MCM9: variants seen among roughly 807,000 people sequenced by gnomAD.
The protein encoded by MCM9 is minichromosome maintenance 9 homologous recombination repair factor.
In MCM9, 55 loss-of-function variants were observed where a neutral mutation model predicts 72.8. The ratio of observed to expected loss-of-function variants is 0.76; its 90% CI spans 0.61 to 0.95. The LOEUF (loss-of-function observed/expected upper bound fraction) is 0.95, where lower values mean the gene tolerates loss of function less well. Ranked by LOEUF, MCM9 falls within the 40% of genes least tolerant of loss-of-function variation. The pLI, the probability that MCM9 is intolerant of heterozygous loss-of-function variation, is 0.00. For synonymous variants in MCM9, 480 were observed against 503.4 expected, an observed-to-expected ratio of 0.95 and a Z score of 0.62; for missense variants, 1,279 against 1,377.0, an observed-to-expected ratio of 0.93 and a Z score of 1.13.
chr6:118,837,691 T>G (rs1156857405), intron 9 of MCM9, among the ~76,000 whole-genome samples: 3 of 152,198 alleles, frequency 2.0e-5, no homozygotes, highest in Non-Finnish European at 4.4e-5. Context: ...CCCCTGCTTT[T>G]TTTTGCTTTC....
intron 8 of MCM9, among the ~76,000 whole-genome samples, chr6:118,900,306 C>T (rs1467522138): frequency 1.3e-5 from 2 of 152,092 alleles, no homozygotes; most frequent in African/African-American, 2.4e-5. Context: ...ATCTCTGCAG[C>T]GTAGTATAGG....
intron 13 of MCM9, among the ~76,000 whole-genome samples, chr6:118,821,322 G>C (rs1178342024): frequency 2.0e-5 from 3 of 152,092 alleles, no homozygotes; most frequent in Non-Finnish European, 4.4e-5. Flanking sequence ...AGGCCTGCTG[G>C]TTACAAAATA....
intron 9 of MCM9, among the ~76,000 whole-genome samples, chr6:118,847,093 A>C (rs1356370660): frequency 6.6e-6 from 1 of 151,880 alleles, no homozygotes; most frequent in African/African-American, 2.4e-5. Flanking sequence ...AAAGCAGAAG[A>C]TGTATATCCA....
At chr6:118,851,848 C>T (rs1054926091) in intron 9 of MCM9, among the ~76,000 whole-genome samples, 4 of 152,192 alleles carry the variant, frequency 2.6e-5, no homozygotes, top group African/African-American at 9.6e-5. Flanking sequence ...ATGCCTACCA[C>T]AGTGCGGTGG....
At position 118,894,010 on chromosome 6, in the gene MCM9, G is replaced by A. The variant is rs1168895041; in HGVS notation, c.1150+17640C>T. 4.1e-6 allele frequency: 4 copies of A among 986,252 alleles called. No individual in the cohort carries two copies. The East Asian group carries it at 3.4e-4, about 84-fold the overall frequency. The allele number at this position is 986,252 out of a possible 1,614,324, so 61.1% of individuals were successfully genotyped here. A position where few individuals can be genotyped will look rare whatever the true frequency, so the allele number is the denominator to read the frequency against. On this transcript the variant is annotated intron_variant, in intron 8 of 13. Coordinates refer to ENST00000619706, the MANE Select transcript of MCM9 (RefSeq NM_017696.3). ...CGGCGGCCTCCGCGCGGGCCTCCCA[G>A]CCCTTATTCCACTCACTTTGTTCTC...
rs1233176027 is a variant in MCM9, at chr6:118,917,646, C to G, written c.819G>C (p.Glu273Asp). ...CATCCATGATGATCCCTGAGGACTG[C>G]TCATTATTTACTTGGATGTAATTTG... The part of the protein sequence containing the change: ...LKANYIQVNN[E>D]QSSGIIMDEE... The change falls in exon 6 of 14, where the codon GAG (glutamate) becomes GAC (aspartate). Residue 273 changes from glutamate (E) to aspartate (D), a missense_variant. Glu to Asp is a conservative substitution (Grantham distance 45). Transcript: ENST00000619706. 6.2e-7 allele frequency: 1 copy of G among 1,614,198 alleles called. No individual in the cohort carries two copies. Among genetic ancestry groups the G allele is most frequent in the Non-Finnish European group, 8.5e-7 (1 of 1,180,032 alleles).
At chr6:118,904,788 A>G (rs961241191) in intron 8 of MCM9, among the ~76,000 whole-genome samples, 11 of 152,244 alleles carry the variant, frequency 7.2e-5, no homozygotes, top group Non-Finnish European at 1.3e-4. Flanking sequence ...ATAGAGGATT[A>G]TTAATATTTT....
intron 8 of MCM9, among the ~76,000 whole-genome samples, chr6:118,898,638 G>C (rs1008974692): frequency 6.6e-6 from 1 of 152,016 alleles, no homozygotes; most frequent in South Asian, 2.1e-4. Flanking sequence ...GGCTGGTCTC[G>C]AACTCCTGAC....
rs1040626706 is a variant in MCM9, at chr6:118,826,087, T to G, written c.1961+60A>C. Reference sequence around the variant, plus strand: ...TCCACTTAATGCACACTTGCTTTGTTTCACTAAATGCCAAACAAGGATTTT... The same window carrying G: ...TCCACTTAATGCACACTTGCTTTGTGTCACTAAATGCCAAACAAGGATTTT... On this transcript the variant is annotated intron_variant, in intron 13 of 13. Coordinates refer to ENST00000619706, the MANE Select transcript of MCM9 (RefSeq NM_017696.3). The G allele has an allele frequency of 6.6e-6, 10 of 1,512,474 alleles. No individual in the cohort carries two copies. In the African/African-American group the frequency reaches 1.4e-4, roughly 21 times the overall value. The allele number at this position is 1,512,474 out of a possible 1,614,324, so 93.7% of individuals were successfully genotyped here. A position where few individuals can be genotyped will look rare whatever the true frequency, so the allele number is the denominator to read the frequency against.
intron 8 of MCM9, among the ~76,000 whole-genome samples, chr6:118,880,094 G>A (rs1389677676): frequency 6.6e-6 from 1 of 151,410 alleles, no homozygotes; most frequent in African/African-American, 2.4e-5. Context: ...GAATAAAAAG[G>A]GCAATGAAAT....
Position 118,877,079 on chromosome 6 carries a change from C to T in MCM9, c.1151-20534G>A, listed in dbSNP as rs147674665. 2.6e-5 allele frequency among the ~76,000 whole-genome samples: 4 copies of T among 152,236 alleles called. No homozygotes were observed. In the East Asian group the frequency reaches 7.7e-4, roughly 29 times the overall value. ...GCCCAGCCACTATGTTGTAAAGAAG[C>T]CTAAGCAACCTACAGAGAGGCCTGT... On this transcript the variant is annotated intron_variant, in intron 8 of 13. Coordinates refer to ENST00000619706, the MANE Select transcript of MCM9 (RefSeq NM_017696.3).
intron 8 of MCM9, among the ~76,000 whole-genome samples, chr6:118,861,274 C>A (rs935883921): frequency 2.0e-5 from 3 of 152,116 alleles, no homozygotes; most frequent in Non-Finnish European, 2.9e-5. Flanking sequence ...AACTGCAGAG[C>A]CCCAAAGAGG....
chr6:118,882,650 C>G (rs185412550), intron 8 of MCM9, among the ~76,000 whole-genome samples: 24 of 152,240 alleles, frequency 1.6e-4, no homozygotes, highest in African/African-American at 5.8e-4. Context: ...GCACAGATAG[C>G]TTAACAGAGA....
intron 9 of MCM9, among the ~76,000 whole-genome samples, chr6:118,846,357 CTGGAG>C (rs1775862337): frequency 6.6e-6 from 1 of 151,804 alleles, no homozygotes; most frequent in African/African-American, 2.4e-5. Flanking sequence ...AGAGCCCTTA[CTGGAG>C]TGGAAAGATC....
intron 8 of MCM9, among the ~76,000 whole-genome samples, chr6:118,896,024 CT>C (rs1253990862): frequency 6.7e-6 from 1 of 148,358 alleles, no homozygotes; most frequent in Admixed American, 6.7e-5. Context: ...ACAATTATTA[CT>C]TTAACATGTG....
At chr6:118,840,599 A>G (rs1028934318) in intron 9 of MCM9, among the ~76,000 whole-genome samples, 1 of 152,160 alleles carries the variant, frequency 6.6e-6, no homozygotes, top group Non-Finnish European at 1.5e-5. Context: ...ACAGGCCTTG[A>G]TTTTTAAAAA....
At chr6:118,934,219 A>G (rs1397303119) in intron 1 of MCM9, among the ~76,000 whole-genome samples, 1 of 152,208 alleles carries the variant, frequency 6.6e-6, no homozygotes, top group Non-Finnish European at 1.5e-5. Flanking sequence ...TGCAAAACTG[A>G]CTAATCAACT....
intron 8 of MCM9, chr6:118,909,304 G>GTTATAAATCAA: frequency 6.6e-6 from 1 of 152,268 alleles, no homozygotes; most frequent in South Asian, 2.1e-4. Context: ...TATTTGTAGT[G>GTTATAAATCAA]ACATCAAAGG....
intron 8 of MCM9, among the ~76,000 whole-genome samples, chr6:118,881,441 G>A (rs1778280286): frequency 6.6e-6 from 1 of 152,024 alleles, no homozygotes; most frequent in Non-Finnish European, 1.5e-5. Flanking sequence ...TGTATCCTAT[G>A]GTAAAATTCA....
Sources: gnomAD v4.1 joint callset for allele counts (sites outside exome capture counted in the v4.1 genomes callset) on GRCh38, gnomAD v4.1.1 for gene constraint, MANE v1.5 for transcripts, NCBI Gene and HGNC (gene_info 2026-07-23, HGNC 2026-07-21) for gene names.